The following TCF15 variants were observed in gnomAD, a reference collection of about 807,000 sequenced individuals.
TCF15 encodes the protein transcription factor 15, also known as TCF-15.
In TCF15, 7 loss-of-function variants were observed where a neutral mutation model predicts 11.1. The ratio of observed to expected loss-of-function variants is 0.63; its 90% CI spans 0.36 to 1.19. The LOEUF is 1.19. Among genes scored for constraint, TCF15 ranks in the 50% most tolerant of loss-of-function variants. The probability of loss-of-function intolerance (pLI) is 0.02; values close to 1 mark genes in which losing one functional copy is unlikely to be tolerated. For synonymous variants in TCF15, 144 were observed against 138.9 expected, an observed-to-expected ratio of 1.04 and a Z score of -0.26; for missense variants, 288 against 289.4, an observed-to-expected ratio of 1.00 and a Z score of 0.03.
rs1198332246 is a variant in TCF15 at position 604,664 on chromosome 20, C to T, written c.527G>A (p.Gly176Asp). Residue 176 changes from glycine to aspartate, a missense_variant and splice_region_variant, in exon 2 of 2, where the codon GGT becomes GAT. By Grantham distance (94) the Gly-to-Asp change is moderately conservative. Transcript: ENST00000246080. This position sits in a 1 kb window ranked among gnomAD's most constrained non-coding sequence, Gnocchi z 4.2. ...GCTGCCCCCCAGGTCACGACGGCCA[C>T]CCTGCAGAGGGGGAGAAAGAGTATA... Reference protein sequence around the residue: ...TFCLSNQRKGGGRRDLGGSCL... With the variant: ...TFCLSNQRKGDGRRDLGGSCL... 30 of 1,551,398 alleles carry T rather than the reference C, an allele frequency of 1.9e-5. No individual in the cohort carries two copies. Among genetic ancestry groups the T allele is most frequent in the African/African-American group, 2.7e-5 (2 of 73,014 alleles).
chr20:606,109 T>C (rs1600449566), intron 1 of TCF15, among the ~76,000 whole-genome samples: 2 of 151,856 alleles, frequency 1.3e-5, no homozygotes, highest in African/African-American at 2.4e-5. Context: ...GAGCCCAGCC[T>C]CCCTCGAGGC....
intron 1 of TCF15, among the ~76,000 whole-genome samples, chr20:607,584 C>G (rs1271451958): frequency 6.6e-6 from 1 of 152,250 alleles, no homozygotes; most frequent in Non-Finnish European, 1.5e-5. Context: ...ATGGTTTCTA[C>G]AGCCAAATTT....
In TCF15 at chr20:609,087, C is replaced by T. The variant is rs780191743; in HGVS notation, c.525+626G>A. Among the ~76,000 whole-genome samples, 1 of 152,140 alleles carries T rather than the reference C, an allele frequency of 6.6e-6. No homozygotes were observed. The highest frequency in any genetic ancestry group is 1.5e-5 in the Non-Finnish European group (1 of 68,022). ...TCAGAGGGCCCCTTCTTCACTCCTA[C>T]TGCTCATCCGCTGGGTACCTCAGGC... On this transcript the variant is annotated intron_variant, in intron 1 of 1. Coordinates refer to ENST00000246080, the MANE Select transcript of TCF15 (RefSeq NM_004609.4). The surrounding 1 kb of genome is among the most constrained non-coding windows in gnomAD (Gnocchi z 4.7).
rs2020005596 is a variant in TCF15, at chr20:609,701, C to G, written c.525+12G>C. Reference sequence around the variant, plus strand: ...GACCTGGCGGCCGCAGCGAGGGACGCAGCACACTCACCCCCTTGCGCTGGT... The same window carrying G: ...GACCTGGCGGCCGCAGCGAGGGACGGAGCACACTCACCCCCTTGCGCTGGT... On this transcript the variant is annotated intron_variant, in intron 1 of 1. Coordinates refer to ENST00000246080, the MANE Select transcript of TCF15 (RefSeq NM_004609.4). The surrounding 1 kb of genome is among the most constrained non-coding windows in gnomAD (Gnocchi z 4.7). 1.5e-6 allele frequency: 2 copies of G among 1,358,060 alleles called. No individual in the cohort carries two copies. Among genetic ancestry groups the G allele is most frequent in the Non-Finnish European group, 1.9e-6 (2 of 1,066,562 alleles). The allele number at this position is 1,358,060 out of a possible 1,614,324, so 84.1% of individuals were successfully genotyped here. A position where few individuals can be genotyped will look rare whatever the true frequency, so the allele number is the denominator to read the frequency against.
intron 1 of TCF15, among the ~76,000 whole-genome samples, chr20:607,071 TG>T (rs2019981895): frequency 6.6e-6 from 1 of 152,234 alleles, no homozygotes; most frequent in South Asian, 2.1e-4. Flanking sequence ...GGTAAAGCCT[TG>T]GCACAGTGTT....
chr20:610,153 T>G lies in TCF15; in HGVS notation c.85A>C (p.Ser29Arg). 9.6e-7 allele frequency: 1 copy of G among 1,042,552 alleles called. No individual in the cohort carries two copies. Among genetic ancestry groups the G allele is most frequent in the Admixed American group, 5.0e-5 (1 of 20,184 alleles). 64.6% of individuals were successfully genotyped at this position (1,042,552 alleles called of 1,614,324 possible). Residue 29 changes from serine to arginine, a missense_variant, in exon 1 of 2, where the codon AGC (serine) becomes CGC (arginine). Transcript: ENST00000246080. ...GACTGGTCCGACGCGTCGCTCTCGC[T>G]GCGGTTCTCCTCGTCCTCGCTCAGC... ...RLLSEDEENR[S>R]ESDASDQSFG...
chr20:604,725 T>G lies in TCF15; in HGVS notation c.526-60A>C. On this transcript the variant is annotated intron_variant, in intron 1 of 1. Coordinates refer to ENST00000246080, the MANE Select transcript of TCF15 (RefSeq NM_004609.4). The surrounding 1 kb of genome is among the most constrained non-coding windows in gnomAD (Gnocchi z 4.2). ...ATTAGGCCAGTGTGAACACTGGAAC[T>G]AACCTCTGTATCCCTCAAGAGGGAT... 1 of 1,302,484 alleles carries G rather than the reference T, an allele frequency of 7.7e-7. No homozygotes were observed. Among genetic ancestry groups the G allele is most frequent in the Non-Finnish European group, 1.1e-6 (1 of 949,452 alleles). 80.7% of individuals were successfully genotyped at this position (1,302,484 alleles called of 1,614,324 possible).
Position 604,807 on chromosome 20 carries a change from GA to G in TCF15, c.526-143del. 1 of 709,432 alleles carries G rather than the reference GA, an allele frequency of 1.4e-6. No homozygotes were observed. The highest frequency in any genetic ancestry group is 2.3e-6 in the Non-Finnish European group (1 of 427,910). 43.9% of individuals were successfully genotyped at this position (709,432 alleles called of 1,614,324 possible). ...ATCAAGTTCTCTGCAACAGAAAGCA[GA>G]AGAAACCCTTTCTGGACTGATACAG... is the stretch of plus-strand genomic sequence containing the variant. On this transcript the variant is annotated intron_variant, in intron 1 of 1. Coordinates refer to ENST00000246080, the MANE Select transcript of TCF15 (RefSeq NM_004609.4). The surrounding 1 kb of genome is among the most constrained non-coding windows in gnomAD (Gnocchi z 4.2).
chr20:605,433 G>C (rs1280406291), intron 1 of TCF15, among the ~76,000 whole-genome samples: 1 of 152,210 alleles, frequency 6.6e-6, no homozygotes, highest in Non-Finnish European at 1.5e-5. Context: ...AGGTTTCTCT[G>C]TTCCTGAAAT....
Position 604,527 on chromosome 20 carries a change from C to G in TCF15, c.*64G>C. On this transcript the variant is annotated 3_prime_UTR_variant, in exon 2 of 2. Coordinates refer to ENST00000246080, the MANE Select transcript of TCF15 (RefSeq NM_004609.4). This position sits in a 1 kb window ranked among gnomAD's most constrained non-coding sequence, Gnocchi z 4.2. ...ACACAAAGAAGGGGTGGGCTTGGCT[C>G]CTGGGGTCTTCTTCCCTGTCCAGCC... 2 of 1,462,542 alleles carry G rather than the reference C, an allele frequency of 1.4e-6. 1 individual carries two copies. The highest frequency in any genetic ancestry group is 2.4e-5 in the South Asian group (2 of 82,460). The allele number at this position is 1,462,542 out of a possible 1,614,324, so 90.6% of individuals were successfully genotyped here. A position where few individuals can be genotyped will look rare whatever the true frequency, so the allele number is the denominator to read the frequency against.
chr20:608,572 A>G (rs1415078791), intron 1 of TCF15, among the ~76,000 whole-genome samples: 1 of 152,238 alleles, frequency 6.6e-6, no homozygotes, highest in African/African-American at 2.4e-5. Context: ...CCAAGTGTTG[A>G]GCAACCAGGC....
At position 609,227 on chromosome 20, in the gene TCF15, G is replaced by GGCCA. The variant is rs777635620; in HGVS notation, c.525+482_525+485dup. Among the ~76,000 whole-genome samples the GGCCA allele has an allele frequency of 2.0e-5, 3 of 147,574 alleles. No homozygotes were observed. Among genetic ancestry groups the GGCCA allele is most frequent in the Non-Finnish European group, 2.9e-5 (2 of 68,010 alleles). On this transcript the variant is annotated intron_variant, in intron 1 of 1. Transcript: ENST00000246080. This position sits in a 1 kb window ranked among gnomAD's most constrained non-coding sequence, Gnocchi z 4.7. ...GGCAACACACACCGGGCAAGCCCAG[G>GGCCA]GCCAGCGCCCCGGCTTCCCAGCTGA...
rs1276290899 is a variant in TCF15, at chr20:610,044, G to GCGC, written c.191_193dup (p.Gly64dup). 1.4e-5 allele frequency: 16 copies of GCGC among 1,171,050 alleles called. No individual in the cohort carries two copies. The highest frequency in any genetic ancestry group is 8.0e-5 in the South Asian group (2 of 25,010). 72.5% of individuals were successfully genotyped at this position (1,171,050 alleles called of 1,614,324 possible). A position where few individuals can be genotyped will look rare whatever the true frequency, so the allele number is the denominator to read the frequency against. On this transcript the variant is annotated inframe_insertion, in exon 1 of 2. Coordinates refer to ENST00000246080, the MANE Select transcript of TCF15 (RefSeq NM_004609.4). The stretch of plus-strand genomic sequence containing the variant: ...CTGTCGCACCACCACCACGGGGCCC[G>GCGC]CGCCGCCGCCGCCGCCCGCCCGCCG...
chr20:604,676 G>A lies in TCF15; in HGVS notation c.526-11C>T. 1 of 1,548,928 alleles carries A rather than the reference G, an allele frequency of 6.5e-7. No individual in the cohort carries two copies. The highest frequency in any genetic ancestry group is 8.7e-7 in the Non-Finnish European group (1 of 1,145,860). The stretch of plus-strand genomic sequence containing the variant: ...GTCACGACGGCCACCCTGCAGAGGG[G>A]GAGAAAGAGTATAAAGAGGTTCGAT... On this transcript the variant is annotated splice_polypyrimidine_tract_variant and intron_variant, in intron 1 of 1. Transcript: ENST00000246080. The surrounding 1 kb of genome is among the most constrained non-coding windows in gnomAD (Gnocchi z 4.2).
chr20:608,320 C>A (rs913086233), intron 1 of TCF15, among the ~76,000 whole-genome samples: 2 of 152,188 alleles, frequency 1.3e-5, no homozygotes, highest in Non-Finnish European at 2.9e-5. Flanking sequence ...TCAGAGCCAA[C>A]AGAAGGCAGC....
rs1243050823 is a variant in TCF15 at position 604,957 on chromosome 20, TTGA to T, written c.526-295_526-293del. On this transcript the variant is annotated intron_variant, in intron 1 of 1. Transcript: ENST00000246080. This position sits in a 1 kb window ranked among gnomAD's most constrained non-coding sequence, Gnocchi z 4.2. ...TGAGTGGGTTTCTTCAGAGAGGAATTTGATGATGGAGAGAGGATGGGAGGGAGG... is the reference window on the plus strand; with the variant it reads ...TGAGTGGGTTTCTTCAGAGAGGAATTTGATGGAGAGAGGATGGGAGGGAGG... Among the ~76,000 whole-genome samples the T allele has an allele frequency of 6.6e-6, 1 of 152,134 alleles. No individual in the cohort carries two copies. The highest frequency in any genetic ancestry group is 6.5e-5 in the Admixed American group (1 of 15,280).
rs1201619982 is a variant in TCF15 at position 609,771 on chromosome 20, T to C, written c.467A>G (p.Asp156Gly). ...GATGGAGCGCGGCTGGCGGCCGCCG[T>C]CGGCGGCGGCGGGGACGGCGCCCTT... is the stretch of plus-strand genomic sequence containing the variant. ...SAKGAVPAAA[D>G]GGRQPRSICT... The change falls in exon 1 of 2, where the codon GAC becomes GGC. Residue 156 changes from aspartate (D) to glycine (G), a missense_variant. Physicochemically the swap from Asp to Gly is moderately conservative, Grantham distance 94. Coordinates refer to ENST00000246080, the MANE Select transcript of TCF15 (RefSeq NM_004609.4). The surrounding 1 kb of genome is among the most constrained non-coding windows in gnomAD (Gnocchi z 4.7). 7.1e-7 allele frequency: 1 copy of C among 1,408,792 alleles called. No homozygotes were observed. Among genetic ancestry groups the C allele is most frequent in the South Asian group, 1.6e-5 (1 of 63,648 alleles). 87.3% of individuals were successfully genotyped at this position (1,408,792 alleles called of 1,614,324 possible).
At chr20:608,537 C>T (rs988535906) in intron 1 of TCF15, among the ~76,000 whole-genome samples, 2 of 151,370 alleles carry the variant, frequency 1.3e-5, no homozygotes, top group Non-Finnish European at 2.9e-5. Context: ...CTAAGAAGAC[C>T]GACGATTCAG....
rs755430041 is a variant in TCF15 at position 609,755 on chromosome 20, C to A, written c.483G>T (p.Pro161=). The A allele has an allele frequency of 1.9e-5, 27 of 1,404,336 alleles. No homozygotes were observed. Among genetic ancestry groups the A allele is most frequent in the Non-Finnish European group, 2.2e-5 (24 of 1,091,524 alleles). The allele number at this position is 1,404,336 out of a possible 1,614,324, so 87.0% of individuals were successfully genotyped here. A position where few individuals can be genotyped will look rare whatever the true frequency, so the allele number is the denominator to read the frequency against. The change falls in exon 1 of 2, where the codon CCG becomes CCT. Residue 161 remains proline, a synonymous_variant. Transcript: ENST00000246080. The surrounding 1 kb of genome is among the most constrained non-coding windows in gnomAD (Gnocchi z 4.7). The part of the protein sequence containing the change: ...VPAAADGGRQ[P]RSICTFCLSN... The stretch of plus-strand genomic sequence containing the variant: ...TGAGGCAGAAGGTGCAGATGGAGCG[C>A]GGCTGGCGGCCGCCGTCGGCGGCGG...
Sources: allele counts gnomAD v4.1 joint callset (sites outside exome capture counted in the v4.1 genomes callset), GRCh38; gene constraint gnomAD v4.1.1; non-coding constraint Gnocchi (gnomAD v3.1); transcripts MANE v1.5; gene names NCBI Gene and HGNC (gene_info 2026-07-23, HGNC 2026-07-21).